ROBO2: variants seen among roughly 807,000 people sequenced by gnomAD.
ROBO2 encodes roundabout homolog 2.
A neutral mutation model predicts 160.8 loss-of-function variants in ROBO2; 53 were observed. The ratio of observed to expected loss-of-function variants is 0.33; its 90% CI spans 0.26 to 0.41. ROBO2 has a LOEUF of 0.41. ROBO2 is among the 10% of genes least tolerant of loss of function. The pLI is 1.00. For missense variants in ROBO2, 1,577 were observed against 1,722.4 expected (o/e 0.92, Z 1.49); for synonymous variants, 664 against 611.7 (o/e 1.09, Z -1.26).
intron 2 of ROBO2, among the ~76,000 whole-genome samples, chr3:77,474,674 A>T (rs982575114): frequency 7.2e-6 from 1 of 139,226 alleles, no homozygotes; most frequent in African/African-American, 2.6e-5. Context: ...ACACACACAC[A>T]CACACACACA....
chr3:76,230,241 C>G (rs1442465666), intron 2 of ROBO2, among the ~76,000 whole-genome samples: 1 of 152,046 alleles, frequency 6.6e-6, no homozygotes, highest in South Asian at 2.1e-4. Flanking sequence ...TTCTCCTATT[C>G]CTGACTCCAT....
At chr3:76,185,056 T>C (rs1701679520) in intron 2 of ROBO2, among the ~76,000 whole-genome samples, 1 of 151,544 alleles carries the variant, frequency 6.6e-6, no homozygotes, top group Non-Finnish European at 1.5e-5. Flanking sequence ...TTCTAGATAT[T>C]TCTTCATCCA....
intron 2 of ROBO2, among the ~76,000 whole-genome samples, chr3:76,888,031 T>A (rs1247396048): frequency 1.3e-5 from 2 of 152,184 alleles, no homozygotes; most frequent in African/African-American, 4.8e-5. Flanking sequence ...ATAGCACTGA[T>A]AATGGATAGT....
intron 2 of ROBO2, among the ~76,000 whole-genome samples, chr3:76,849,771 G>A (rs911753542): frequency 2.0e-5 from 3 of 152,108 alleles, no homozygotes; most frequent in African/African-American, 7.2e-5. Context: ...AAGAGTTGTA[G>A]GAGCAGTATA....
At chr3:76,542,004 TC>T (rs1407287155) in intron 2 of ROBO2, among the ~76,000 whole-genome samples, 1 of 152,146 alleles carries the variant, frequency 6.6e-6, no homozygotes, top group Non-Finnish European at 1.5e-5. Context: ...AATGCTTCTT[TC>T]CTTCTTCCCT....
Position 77,629,828 on chromosome 3 carries a change from A to C in ROBO2, c.3761-5042A>C, listed in dbSNP as rs1412269641. On this transcript the variant is annotated intron_variant, in intron 23 of 25. Coordinates refer to ENST00000461745, the Ensembl canonical transcript of ROBO2. ...AATAATGAAAACGTTGAATGCATTT[A>C]ATTCCATATGCCTACTGTTTATTGA... 2.0e-5 allele frequency: 3 copies of C among 152,338 alleles called. No homozygotes were observed. In the East Asian group the frequency reaches 5.8e-4, roughly 29 times the overall value. 9.4% of individuals were successfully genotyped at this position (152,338 alleles called of 1,614,324 possible).
chr3:77,593,418 C>T (rs891053705), intron 17 of ROBO2, among the ~76,000 whole-genome samples: 7 of 152,112 alleles, frequency 4.6e-5, no homozygotes, highest in Non-Finnish European at 8.8e-5. Flanking sequence ...ACTGCTGATT[C>T]CTGATTTCCC....
Position 76,327,485 on chromosome 3 carries a change from A to G in ROBO2, c.109+389883A>G, listed in dbSNP as rs539040707. Among the ~76,000 whole-genome samples, 3 of 152,304 alleles carry G rather than the reference A, an allele frequency of 2.0e-5. No homozygotes were observed. In the South Asian group the frequency reaches 6.2e-4, roughly 32 times the overall value. On this transcript the variant is annotated intron_variant, in intron 2 of 26. Coordinates refer to the ROBO2 transcript ENST00000487694. Reference sequence around the variant, plus strand: ...AAAGCTAGCTAGAATTTTGGCCAGCAGTGTCACAATTCAATATCATAAAAA... The same window carrying G: ...AAAGCTAGCTAGAATTTTGGCCAGCGGTGTCACAATTCAATATCATAAAAA...
rs1157482076 is a variant in ROBO2, at chr3:76,952,699, ATATT to A, written c.110-145311_110-145308del. Among the ~76,000 whole-genome samples the A allele has an allele frequency of 3.9e-5, 6 of 151,966 alleles. No individual in the cohort carries two copies. In the East Asian group the frequency reaches 7.7e-4, roughly 20 times the overall value. ...TATATCTGTGTGTGTATATATATAT[ATATT>A]TATGTATAAAATATTCAGAAGTTAT... On this transcript the variant is annotated intron_variant, in intron 2 of 26. Coordinates refer to the ROBO2 transcript ENST00000487694.
At chr3:76,871,541 G>T (rs2072079302) in intron 2 of ROBO2, among the ~76,000 whole-genome samples, 1 of 138,632 alleles carries the variant, frequency 7.2e-6, no homozygotes, top group Non-Finnish European at 1.5e-5. Context: ...GCGACAGAGC[G>T]AGACTCCGTC....
At chr3:76,283,136 G>GTATATATATATATA (rs547807116) in intron 2 of ROBO2, among the ~76,000 whole-genome samples, 1,436 of 63,520 alleles carry the variant, frequency 0.023, 151 homozygotes, top group East Asian at 0.092. Context: ...ATATAAAACT[G>GTATATATATATATA]TATATATATA....
At chr3:76,495,213 CTTT>C (rs35543664) in intron 2 of ROBO2, among the ~76,000 whole-genome samples, 3 of 136,294 alleles carry the variant, frequency 2.2e-5, no homozygotes, top group African/African-American at 2.7e-5. Context: ...TCTTCATTTC[CTTT>C]TTTTTTTTTT....
chr3:75,979,266 G>A (rs1249751506), intron 2 of ROBO2, among the ~76,000 whole-genome samples: 1 of 151,542 alleles, frequency 6.6e-6, no homozygotes, highest in African/African-American at 2.4e-5. Flanking sequence ...GAGGGATAAA[G>A]GGATGAATGA....
At chr3:77,258,559 A>G (rs2058572455) in intron 2 of ROBO2, among the ~76,000 whole-genome samples, 1 of 151,298 alleles carries the variant, frequency 6.6e-6, no homozygotes, top group Non-Finnish European at 1.5e-5. Flanking sequence ...GGAGGTTAAG[A>G]CTTCAGTGAG....
rs1559902435 is a variant in ROBO2 at position 76,089,076 on chromosome 3, G to C, written c.109+151474G>C. Among the ~76,000 whole-genome samples the C allele has an allele frequency of 2.0e-5, 3 of 152,040 alleles. No homozygotes were observed. In the East Asian group the frequency reaches 5.8e-4, roughly 29 times the overall value. On this transcript the variant is annotated intron_variant, in intron 2 of 26. Transcript: ENST00000487694. ...ATGAACAAATCTATGCTTCCAAATT[G>C]GGTAATCCAAATAAAATTGACCAAT...
At chr3:75,937,156 T>C (rs1188181285) in intron 1 of ROBO2, among the ~76,000 whole-genome samples, 3 of 152,134 alleles carry the variant, frequency 2.0e-5, no homozygotes, top group East Asian at 3.9e-4. Flanking sequence ...GTAGTGTCCA[T>C]ACACAATTTT....
chr3:76,680,144 G>T (rs944561116), intron 2 of ROBO2, among the ~76,000 whole-genome samples: 1 of 151,948 alleles, frequency 6.6e-6, no homozygotes, highest in African/African-American at 2.4e-5. Context: ...AATTCTTTAC[G>T]TGAAACAAAT....
At chr3:77,513,199 C>A (rs2153617935) in intron 5 of ROBO2, among the ~76,000 whole-genome samples, 1 of 151,782 alleles carries the variant, frequency 6.6e-6, no homozygotes, top group South Asian at 2.1e-4. Context: ...TTAATTTTTT[C>A]CTCCTCCTAA....
chr3:76,109,271 A>G (rs561841641), intron 2 of ROBO2, among the ~76,000 whole-genome samples: 2 of 152,168 alleles, frequency 1.3e-5, no homozygotes, highest in African/African-American at 4.8e-5. Flanking sequence ...GCTTCTTTTG[A>G]GTTGCAGAGA....
Sources: allele counts gnomAD v4.1 joint callset (sites outside exome capture counted in the v4.1 genomes callset), GRCh38; gene constraint gnomAD v4.1.1; transcripts MANE v1.5; gene names NCBI Gene and HGNC (gene_info 2026-07-23, HGNC 2026-07-21).